CDH20: variants seen among roughly 807,000 people sequenced by gnomAD.
CDH20 encodes cadherin 20.
CDH20 carries 29 observed loss-of-function variants against 74.2 expected under a neutral mutation model. The ratio of observed to expected loss-of-function variants is 0.39; its 90% CI spans 0.29 to 0.53. The LOEUF is 0.53. Among genes scored for constraint, CDH20 ranks in the 20% least tolerant of loss-of-function variants. CDH20 has a pLI of 0.69. For synonymous variants in CDH20, 469 were observed against 405.4 expected (o/e 1.16, Z -1.88); for missense variants, 988 against 1,048.3 (o/e 0.94, Z 0.79).
chr18:61,422,580 T>TA (rs1726958078), intron 1 of CDH20, among the ~76,000 whole-genome samples: 3 of 152,180 alleles, frequency 2.0e-5, no homozygotes, highest in South Asian at 2.1e-4. Context: ...TTACATTTTT[T>TA]AAAAAACCTC....
intron 1 of CDH20, among the ~76,000 whole-genome samples, chr18:61,402,665 A>G (rs886752474): frequency 5.3e-5 from 8 of 152,328 alleles, no homozygotes; most frequent in African/African-American, 1.9e-4. Flanking sequence ...GAAGAGTACC[A>G]TTAGGGTACC....
At chr18:61,501,383 T>G (rs1289810124) in intron 4 of CDH20, among the ~76,000 whole-genome samples, 1 of 152,146 alleles carries the variant, frequency 6.6e-6, no homozygotes, top group Non-Finnish European at 1.5e-5. Flanking sequence ...CCCCTCTTAT[T>G]AATACTTTCA....
At chr18:61,432,504 C>T (rs546666460) in intron 1 of CDH20, among the ~76,000 whole-genome samples, 27 of 152,252 alleles carry the variant, frequency 1.8e-4, no homozygotes, top group Non-Finnish European at 4.4e-5. Context: ...GGAGGAGATA[C>T]GACCTTCTAT....
At chr18:61,466,321 A>T (rs76793005) in intron 1 of CDH20, among the ~76,000 whole-genome samples, 7,696 of 152,266 alleles carry the variant, frequency 0.051, 204 homozygotes, top group Middle Eastern at 0.092. Context: ...ACTATTTTAC[A>T]AACATTTACA....
intron 1 of CDH20, among the ~76,000 whole-genome samples, chr18:61,394,588 T>C (rs1223639802): frequency 1.3e-5 from 2 of 152,142 alleles, no homozygotes; most frequent in Admixed American, 1.3e-4. Context: ...TGCAAACACC[T>C]TGATCTTGGA....
chr18:61,541,315 T>C (rs905618577), intron 9 of CDH20, among the ~76,000 whole-genome samples: 2 of 151,534 alleles, frequency 1.3e-5, no homozygotes, highest in African/African-American at 4.8e-5. Context: ...ATAAACTTGT[T>C]ATAAAATTAT....
chr18:61,491,491 G>C (rs7242168), intron 2 of CDH20, among the ~76,000 whole-genome samples: 1 of 152,120 alleles, frequency 6.6e-6, no homozygotes, highest in South Asian at 2.1e-4. Flanking sequence ...TAACTTAAAC[G>C]CTTGTTTAGC....
At chr18:61,499,876 C>A (rs1024450906) in intron 3 of CDH20, among the ~76,000 whole-genome samples, 3 of 152,000 alleles carry the variant, frequency 2.0e-5, no homozygotes, top group Non-Finnish European at 2.9e-5. Flanking sequence ...AGGTGGATCA[C>A]AAGGTCAGGA....
At chr18:61,470,499 A>G (rs1396910242) in intron 1 of CDH20, among the ~76,000 whole-genome samples, 1 of 152,200 alleles carries the variant, frequency 6.6e-6, no homozygotes, top group African/African-American at 2.4e-5. Context: ...GTCCAGACAA[A>G]AGGAGACCCT....
chr18:61,433,215 T>G lies in CDH20; in HGVS notation c.-152-57187T>G, dbSNP rs140396413. ...CAAGGTAATGTATATATATCACCAA[T>G]CACCATGCCAAACACAGAATAGGTA... is the stretch of plus-strand genomic sequence containing the variant. On this transcript the variant is annotated intron_variant, in intron 1 of 11. Coordinates refer to ENST00000262717, the MANE Select transcript of CDH20 (RefSeq NM_031891.4). Among the ~76,000 whole-genome samples, 673 of 152,272 alleles carry G rather than the reference T, an allele frequency of 4.4e-3. 3 individuals carry two copies. The highest frequency in any genetic ancestry group is 6.8e-3 in the Middle Eastern group (2 of 294).
intron 1 of CDH20, among the ~76,000 whole-genome samples, chr18:61,421,971 C>G (rs1162594403): frequency 6.6e-6 from 1 of 152,080 alleles, no homozygotes; most frequent in South Asian, 2.1e-4. Context: ...ATACAATGAA[C>G]TAATTTTTCA....
chr18:61,449,852 A>G (rs1909323111), intron 1 of CDH20, among the ~76,000 whole-genome samples: 1 of 152,050 alleles, frequency 6.6e-6, no homozygotes, highest in Non-Finnish European at 1.5e-5. Flanking sequence ...GAAAATCAAG[A>G]GTCTTGCATT....
chr18:61,451,910 T>C (rs1909400660), intron 1 of CDH20, among the ~76,000 whole-genome samples: 1 of 152,150 alleles, frequency 6.6e-6, no homozygotes, highest in African/African-American at 2.4e-5. Context: ...TGCACTGAAT[T>C]CTAAGTTCCT....
At chr18:61,452,100 C>CA (rs1309370156) in intron 1 of CDH20, among the ~76,000 whole-genome samples, 1 of 151,992 alleles carries the variant, frequency 6.6e-6, no homozygotes, top group Non-Finnish European at 1.5e-5. Context: ...AAACAAAAAA[C>CA]AAAAAACACC....
At chr18:61,379,337 C>T (rs952232013) in intron 1 of CDH20, among the ~76,000 whole-genome samples, 1 of 152,156 alleles carries the variant, frequency 6.6e-6, no homozygotes, top group African/African-American at 2.4e-5. Flanking sequence ...TTTCTTAGGG[C>T]TCTTTGAGAA....
chr18:61,544,222 A>G (rs1778547721), intron 9 of CDH20, among the ~76,000 whole-genome samples: 1 of 152,204 alleles, frequency 6.6e-6, no homozygotes, highest in Non-Finnish European at 1.5e-5. Flanking sequence ...AAGCATGCAG[A>G]CGGGCAGGTG....
intron 9 of CDH20, among the ~76,000 whole-genome samples, chr18:61,544,276 C>T (rs374327513): frequency 3.1e-4 from 47 of 152,322 alleles, no homozygotes; most frequent in South Asian, 2.9e-3. Context: ...CCAAAGGCAG[C>T]GTCTAGGACT....
chr18:61,358,589 GA>G (rs1454559266), intron 1 of CDH20, among the ~76,000 whole-genome samples: 1 of 152,164 alleles, frequency 6.6e-6, no homozygotes, highest in African/African-American at 2.4e-5. Context: ...GGTAGGTGCT[GA>G]GTTAATAGTT....
At chr18:61,495,727 C>T (rs1312714917) in intron 2 of CDH20, among the ~76,000 whole-genome samples, 1 of 152,196 alleles carries the variant, frequency 6.6e-6, no homozygotes, top group Non-Finnish European at 1.5e-5. Flanking sequence ...GTTGCCCCAG[C>T]CAGAGGGGCA....
Sources: gnomAD v4.1 joint callset for allele counts (sites outside exome capture counted in the v4.1 genomes callset) on GRCh38, gnomAD v4.1.1 for gene constraint, MANE v1.5 for transcripts, NCBI Gene and HGNC (gene_info 2026-07-23, HGNC 2026-07-21) for gene names.